The following RABGAP1L variants were observed in gnomAD, a reference collection of about 807,000 sequenced individuals.
RABGAP1L encodes the protein RAB GTPase activating protein 1 like, also known as rab GTPase-activating protein 1-like.
Under a neutral mutation model 137.7 loss-of-function variants are expected in RABGAP1L, and 63 were observed. The observed-to-expected ratio is 0.46, with a 90% CI of 0.37 to 0.56. The LOEUF is 0.56. Ranked by LOEUF, RABGAP1L falls within the 20% of genes least tolerant of loss-of-function variation. RABGAP1L has a pLI of 0.00. For missense variants in RABGAP1L, 1,095 were observed against 1,244.0 expected (o/e 0.88, Z 1.80); for synonymous variants, 431 against 433.7 (o/e 0.99, Z 0.08).
chr1:174,327,964 T>TATATATACAC (rs1680599974), intron 11 of RABGAP1L, among the ~76,000 whole-genome samples: 3 of 13,910 alleles, frequency 2.2e-4, no homozygotes, highest in African/African-American at 1.7e-3. Flanking sequence ...TAAATATATA[T>TATATATACAC]ATATATATAT....
intron 19 of RABGAP1L, among the ~76,000 whole-genome samples, chr1:174,953,346 G>A (rs534653535): frequency 6.6e-6 from 1 of 152,290 alleles, no homozygotes; most frequent in South Asian, 2.1e-4. Flanking sequence ...CTCCGTCTGA[G>A]GCCAGCATGG....
chr1:174,267,579 G>A (rs61828592), intron 7 of RABGAP1L, among the ~76,000 whole-genome samples: 13,624 of 152,240 alleles, frequency 0.089, 830 homozygotes, highest in East Asian at 0.22. Context: ...ACATGCAAAG[G>A]ATAAAGTTTG....
At chr1:174,601,117 C>T (rs1236950973) in intron 13 of RABGAP1L, among the ~76,000 whole-genome samples, 1 of 152,206 alleles carries the variant, frequency 6.6e-6, no homozygotes, top group Non-Finnish European at 1.5e-5. Context: ...CCTCTGAAGC[C>T]ACAGCCTGAG....
At chr1:174,856,939 A>T (rs1316240536) in intron 19 of RABGAP1L, among the ~76,000 whole-genome samples, 1 of 152,110 alleles carries the variant, frequency 6.6e-6, no homozygotes, top group African/African-American at 2.4e-5. Flanking sequence ...AAAAAAAAAA[A>T]AGTTAGACCT....
intron 13 of RABGAP1L, among the ~76,000 whole-genome samples, chr1:174,485,116 G>A (rs1031267310): frequency 1.3e-5 from 2 of 152,024 alleles, no homozygotes; most frequent in Non-Finnish European, 2.9e-5. Context: ...TGCAGCTATT[G>A]TAAATAGGAT....
At chr1:174,423,115 T>G (rs1651536434) in intron 13 of RABGAP1L, among the ~76,000 whole-genome samples, 1 of 152,148 alleles carries the variant, frequency 6.6e-6, no homozygotes, top group Admixed American at 6.5e-5. Flanking sequence ...GTATTTCCCT[T>G]TTTTGAAATG....
chr1:174,783,281 C>T (rs949831314), intron 18 of RABGAP1L, among the ~76,000 whole-genome samples: 7 of 152,142 alleles, frequency 4.6e-5, no homozygotes, highest in African/African-American at 9.7e-5. Flanking sequence ...GGTTCTATTC[C>T]GTGACTCACG....
At chr1:174,560,172 A>G (rs1463968190) in intron 13 of RABGAP1L, among the ~76,000 whole-genome samples, 1 of 151,802 alleles carries the variant, frequency 6.6e-6, no homozygotes, top group Non-Finnish European at 1.5e-5. Flanking sequence ...TGAAAGCTGT[A>G]TTTCAGTATT....
chr1:174,204,086 G>C (rs558011042), intron 1 of RABGAP1L, among the ~76,000 whole-genome samples: 1 of 152,228 alleles, frequency 6.6e-6, no homozygotes, highest in South Asian at 2.1e-4. Flanking sequence ...GAATAGCTGG[G>C]ATTTCAGGCA....
In RABGAP1L at chr1:174,420,767, T is replaced by C. The variant is rs574843734; in HGVS notation, c.1710+26622T>C. On this transcript the variant is annotated intron_variant, in intron 13 of 25. Coordinates refer to ENST00000681986, the MANE Select transcript of RABGAP1L (RefSeq NM_001366446.1). ...TCGGCTCACTGCAAGCTCCACCTCC[T>C]GGGTTCACGCCATTCTCCTGTCTCA... Among the ~76,000 whole-genome samples the C allele has an allele frequency of 7.5e-4, 113 of 150,088 alleles. 2 individuals are homozygous for C. The South Asian group carries it at 0.022, about 29-fold the overall frequency.
chr1:174,315,618 T>C (rs1445087476), intron 11 of RABGAP1L, among the ~76,000 whole-genome samples: 8 of 136,750 alleles, frequency 5.9e-5, no homozygotes, highest in African/African-American at 2.5e-4. Flanking sequence ...ATTTCATTTC[T>C]TGCCTTTTTT....
chr1:174,276,081 C>A (rs1394025250), intron 9 of RABGAP1L, 146 bp downstream of exon 9: 2 of 566,942 alleles, frequency 3.5e-6, no homozygotes, highest in Non-Finnish European at 3.1e-6. Flanking sequence ...ATTCTTTATG[C>A]TTCTATGGGG....
intron 14 of RABGAP1L, among the ~76,000 whole-genome samples, chr1:174,678,314 G>C (rs749805406): frequency 3.3e-5 from 5 of 152,012 alleles, no homozygotes; most frequent in Admixed American, 2.6e-4. Flanking sequence ...CCAGTCTTAC[G>C]CAAAACTCTT....
At chr1:174,899,119 G>A (rs980888481) in intron 19 of RABGAP1L, among the ~76,000 whole-genome samples, 1 of 152,072 alleles carries the variant, frequency 6.6e-6, no homozygotes, top group Non-Finnish European at 1.5e-5. Flanking sequence ...ATGGGGAAGC[G>A]TGTTCTAGGA....
intron 18 of RABGAP1L, among the ~76,000 whole-genome samples, chr1:174,763,651 A>C (rs1326740380): frequency 8.0e-5 from 2 of 25,012 alleles, no homozygotes; most frequent in East Asian, 1.9e-3. Flanking sequence ...ACTCCGTCTC[A>C]AAAAAAAAAA....
chr1:174,746,644 T>A (rs746896404), intron 17 of RABGAP1L, among the ~76,000 whole-genome samples: 43 of 152,240 alleles, frequency 2.8e-4, no homozygotes, highest in Admixed American at 2.4e-3. Flanking sequence ...AATAAGAGAT[T>A]TATTCATTCA....
chr1:174,535,033 A>T (rs1290557728), intron 13 of RABGAP1L, among the ~76,000 whole-genome samples: 1 of 152,118 alleles, frequency 6.6e-6, no homozygotes, highest in Non-Finnish European at 1.5e-5. Context: ...AATGGTTTAT[A>T]TCTCCTTGTT....
intron 16 of RABGAP1L, chr1:174,700,506 G>T (rs1432127220): frequency 6.6e-6 from 1 of 152,474 alleles, no homozygotes; most frequent in East Asian, 1.9e-4. Context: ...ACTGCCAGGG[G>T]ATCCGTAGGT....
intron 13 of RABGAP1L, among the ~76,000 whole-genome samples, chr1:174,449,889 G>GT (rs886485920): frequency 4.6e-5 from 7 of 151,604 alleles, no homozygotes; most frequent in East Asian, 3.9e-4. Flanking sequence ...ACAGTCTCCT[G>GT]TTTTTTTTCT....
Sources: allele counts gnomAD v4.1 joint callset (sites outside exome capture counted in the v4.1 genomes callset), GRCh38; gene constraint gnomAD v4.1.1; transcripts MANE v1.5; gene names NCBI Gene and HGNC (gene_info 2026-07-23, HGNC 2026-07-21).